The following DNAH11 variants were observed in gnomAD, a reference collection of about 807,000 sequenced individuals.
DNAH11 encodes dynein axonemal heavy chain 11.
A neutral mutation model predicts 526.0 loss-of-function variants in DNAH11; 442 were observed. The observed-to-expected ratio is 0.84, with a 90% confidence interval of 0.78 to 0.91. The LOEUF is 0.91. Ranked by LOEUF, DNAH11 falls within the 40% of genes least tolerant of loss-of-function variation. The pLI, the probability that DNAH11 is intolerant of heterozygous loss-of-function variation, is 0.00. For missense variants in DNAH11, 6,989 were observed against 5,448.7 expected, an observed-to-expected ratio of 1.28 and a Z score of -8.90; for synonymous variants, 2,461 against 1,935.9, an observed-to-expected ratio of 1.27 and a Z score of -7.12.
chr7:21,852,230 C>A (rs1476504225), intron 66 of DNAH11, among the ~76,000 whole-genome samples: 1 of 151,878 alleles, frequency 6.6e-6, no homozygotes, highest in Admixed American at 6.6e-5. Context: ...CGTGGTGAAA[C>A]CCCGTCTCTA....
Position 21,600,293 on chromosome 7 carries a change from T to TA in DNAH11, c.3000+181dup, listed in dbSNP as rs373620748. On this transcript the variant is annotated intron_variant, in intron 15 of 81. Coordinates refer to ENST00000409508, the MANE Select transcript of DNAH11 (RefSeq NM_001277115.2). The stretch of plus-strand genomic sequence containing the variant: ...TAAGCAGCATAGCAAGACCGTCTCT[T>TA]AAAAAAATTAAAAAATTAGCTGGGT... Among the ~76,000 whole-genome samples the TA allele has an allele frequency of 5.9e-5, 9 of 151,892 alleles. No individual in the cohort carries two copies. In the South Asian group the frequency reaches 6.2e-4, roughly 11 times the overall value.
At chr7:21,818,765 C>G (rs1396935368) in intron 65 of DNAH11, among the ~76,000 whole-genome samples, 2 of 152,106 alleles carry the variant, frequency 1.3e-5, no homozygotes, top group Non-Finnish European at 2.9e-5. Flanking sequence ...GTTTACTGTG[C>G]TAGCTCTGTT....
rs933353 is a variant in DNAH11 at position 21,739,486 on chromosome 7, C to T, written c.7812-85C>T. On this transcript the variant is annotated intron_variant, in intron 47 of 81. Coordinates refer to ENST00000409508, the MANE Select transcript of DNAH11 (RefSeq NM_001277115.2). ...ATTATGAAGATAAGGAGGTAATCTGCGATGAAGACCTTTATGAACTGTTAG... is the reference window on the plus strand; with the variant it reads ...ATTATGAAGATAAGGAGGTAATCTGTGATGAAGACCTTTATGAACTGTTAG... The T allele has an allele frequency of 0.34, 316,456 of 938,276 alleles. 63,356 individuals carry two copies. Among genetic ancestry groups the T allele is most frequent in the East Asian group, 0.78 (30,069 of 38,690 alleles). 58.1% of individuals were successfully genotyped at this position (938,276 alleles called of 1,614,324 possible). A position where few individuals can be genotyped will look rare whatever the true frequency, so the allele number is the denominator to read the frequency against.
At chr7:21,869,086 C>A in intron 73 of DNAH11, 95 bp downstream of exon 73, 1 of 1,533,512 alleles carries the variant, frequency 6.5e-7, no homozygotes, top group Non-Finnish European at 8.8e-7. Flanking sequence ...CTTAACACCG[C>A]TGTGCATGGC....
At chr7:21,784,383 G>A (rs1788082857) in intron 57 of DNAH11, 44 bp from the exon 58 acceptor site, 1 of 1,430,502 alleles carries the variant, frequency 7.0e-7, no homozygotes, top group Non-Finnish European at 9.8e-7. Context: ...AGATATCTGT[G>A]ATAATAATTT....
chr7:21,795,483 C>A (rs148187439), intron 61 of DNAH11, among the ~76,000 whole-genome samples: 3 of 152,336 alleles, frequency 2.0e-5, no homozygotes, highest in African/African-American at 7.2e-5. Flanking sequence ...ACTCTCATTT[C>A]CTTTCTGTCT....
Position 21,789,444 on chromosome 7 carries a change from C to G in DNAH11, c.10026+102C>G, listed in dbSNP as rs1583696849. 2.0e-5 allele frequency: 14 copies of G among 689,966 alleles called. No individual in the cohort carries two copies. The East Asian group carries it at 3.9e-4, about 19-fold the overall frequency. 42.7% of individuals were successfully genotyped at this position (689,966 alleles called of 1,614,324 possible). On this transcript the variant is annotated intron_variant, in intron 61 of 81. Transcript: ENST00000409508. The stretch of plus-strand genomic sequence containing the variant: ...AGCACCATATCTGAGCCCTATCAAG[C>G]AGAAAGGAATTCGATCTTCCATGAG...
intron 31 of DNAH11, among the ~76,000 whole-genome samples, chr7:21,683,453 A>G (rs574395014): frequency 1.3e-5 from 2 of 152,314 alleles, no homozygotes; most frequent in South Asian, 2.1e-4. Context: ...AAATATAGAC[A>G]GTATATTTTT....
chr7:21,845,325 G>T (rs528057829), intron 66 of DNAH11, among the ~76,000 whole-genome samples: 1 of 152,200 alleles, frequency 6.6e-6, no homozygotes, highest in East Asian at 1.9e-4. Flanking sequence ...TTTCTCTTAG[G>T]AGTTGTGTAG....
chr7:21,669,382 G>T (rs1007445610), intron 30 of DNAH11, among the ~76,000 whole-genome samples: 1 of 152,086 alleles, frequency 6.6e-6, no homozygotes, highest in African/African-American at 2.4e-5. Flanking sequence ...ATGTTTCCCA[G>T]GTTCTCTTGA....
intron 8 of DNAH11, among the ~76,000 whole-genome samples, chr7:21,577,995 C>G (rs1391559935): frequency 6.6e-6 from 1 of 152,114 alleles, no homozygotes; most frequent in African/African-American, 2.4e-5. Flanking sequence ...ACTCACAGTT[C>G]CACAGACTTA....
intron 24 of DNAH11, 147 bp downstream of exon 24, chr7:21,619,369 G>C: frequency 1.1e-6 from 1 of 873,180 alleles, no homozygotes; most frequent in Non-Finnish European, 1.7e-6. Context: ...GGTGTGGGAT[G>C]AGCAGGAACT....
At position 21,842,746 on chromosome 7, in the gene DNAH11, A is replaced by C; in HGVS notation, c.10894A>C (p.Lys3632Gln). Residue 3632 changes from lysine (K) to glutamine (Q), a missense_variant and splice_region_variant, in exon 66 of 82, where the codon AAG becomes CAG. Lys to Gln is a moderately conservative substitution (Grantham distance 53). Transcript: ENST00000409508. ...SIERPDLEKL[K>Q]LVLTKHQNDF... ...TGAAAGGCCAGATTTGGAGAAACTT[A>C]AGGTAAAAATGTTTACGTCACCACC... The C allele has an allele frequency of 6.2e-7, 1 of 1,606,168 alleles. No individual in the cohort carries two copies. The highest frequency in any genetic ancestry group is 2.2e-5 in the East Asian group (1 of 44,744).
intron 35 of DNAH11, among the ~76,000 whole-genome samples, chr7:21,696,341 T>G (rs1197501821): frequency 1.3e-5 from 2 of 152,212 alleles, no homozygotes; most frequent in South Asian, 2.1e-4. Flanking sequence ...GTTGGTAATA[T>G]GAAATGAGTG....
intron 29 of DNAH11, 85 bp from the exon 30 acceptor site, chr7:21,658,713 C>T (rs1782120611): frequency 5.2e-6 from 6 of 1,164,680 alleles, no homozygotes; most frequent in East Asian, 2.6e-5. Flanking sequence ...GCATTACCCT[C>T]TGCGTGGCCT....
chr7:21,838,677 T>A (rs1374631065), intron 65 of DNAH11, among the ~76,000 whole-genome samples: 1 of 152,146 alleles, frequency 6.6e-6, no homozygotes, highest in Non-Finnish European at 1.5e-5. Flanking sequence ...AAAGTAATTG[T>A]GGGTTTTTCC....
In DNAH11 at chr7:21,600,872, C is replaced by G. The variant is rs1785056779; in HGVS notation, c.3197C>G (p.Ala1066Gly). 1.9e-6 allele frequency: 3 copies of G among 1,613,804 alleles called. No individual in the cohort carries two copies. In the South Asian group the frequency reaches 3.3e-5, roughly 18 times the overall value. Residue 1066 changes from alanine (A) to glycine (G), a missense_variant, in exon 16 of 82, where the codon GCT becomes GGT. By Grantham distance (60) the Ala-to-Gly change is moderately conservative (BLOSUM62 0). Transcript: ENST00000409508. ...GHAVSSDEMD[A>G]HANEEIPEQP... ...GCTGTGTCTTCCGATGAAATGGATGCTCATGCAAATGAAGAAATTCCCGAA... is the reference window on the plus strand; with the variant it reads ...GCTGTGTCTTCCGATGAAATGGATGGTCATGCAAATGAAGAAATTCCCGAA...
At position 21,705,555 on chromosome 7, in the gene DNAH11, A is replaced by T. The variant is rs752908677; in HGVS notation, c.6546+18A>T. 5 of 1,610,614 alleles carry T rather than the reference A, an allele frequency of 3.1e-6. No individual in the cohort carries two copies. In the African/African-American group the frequency reaches 5.3e-5, roughly 17 times the overall value. ...AGAGTAAGGTATAGTAAATTGCCTAATAGCTTACAGCTATGGAAAGAACAT... is the reference window on the plus strand; with the variant it reads ...AGAGTAAGGTATAGTAAATTGCCTATTAGCTTACAGCTATGGAAAGAACAT... On this transcript the variant is annotated intron_variant, in intron 39 of 81. Coordinates refer to ENST00000409508, the MANE Select transcript of DNAH11 (RefSeq NM_001277115.2).
At chr7:21,652,762 T>A (rs1181367440) in intron 28 of DNAH11, among the ~76,000 whole-genome samples, 2 of 151,922 alleles carry the variant, frequency 1.3e-5, no homozygotes, top group Non-Finnish European at 2.9e-5. Context: ...TTTAGAAACC[T>A]ACTCAAAATA....
Sources: allele counts gnomAD v4.1 joint callset (sites outside exome capture counted in the v4.1 genomes callset), GRCh38; gene constraint gnomAD v4.1.1; transcripts MANE v1.5; gene names NCBI Gene and HGNC (gene_info 2026-07-23, HGNC 2026-07-21).